Variants in IKBIP observed in about 807,000 individuals in gnomAD.
IKBIP encodes IKBKB interacting protein, also known as inhibitor of nuclear factor kappa-B kinase-interacting protein.
IKBIP carries 28 observed loss-of-function variants against 31.0 expected under a neutral mutation model. The observed-to-expected ratio is 0.90, with a 90% CI of 0.67 to 1.24. The LOEUF (loss-of-function observed/expected upper bound fraction) is 1.24, where lower values mean the gene tolerates loss of function less well. Among genes scored for constraint, IKBIP ranks in the 50% most tolerant of loss-of-function variants. IKBIP has a pLI of 0.00. For missense variants in IKBIP, 453 were observed against 441.9 expected (o/e 1.03, Z -0.23); for synonymous variants, 164 against 160.3 (o/e 1.02, Z -0.17).
At chr12:98,613,783 A>G (rs1374809207) in exon 3 of IKBIP, 19 of 1,610,962 alleles carry the variant, frequency 1.2e-5, no homozygotes, top group East Asian at 8.9e-5. Context: ...TCTTTAGATT[A>G]TACACCTTTG....
At chr12:98,633,510 CTTTTTTTTTTTTTTTTT>C (rs71432181) in intron 2 of IKBIP, among the ~76,000 whole-genome samples, 2 of 61,372 alleles carry the variant, frequency 3.3e-5, no homozygotes, top group Admixed American at 2.6e-4. Context: ...TTTTTTAATT[CTTTTTTTTTTTTTTTTT>C]TTTTTTTGAG....
At chr12:98,623,822 C>T (rs937902732), downstream of IKBIP, among the ~76,000 whole-genome samples, 1 of 150,922 alleles carries the variant, frequency 6.6e-6, no homozygotes, top group African/African-American at 2.5e-5. Flanking sequence ...ATATTTGATA[C>T]ACAGGAAAGT....
downstream of IKBIP, among the ~76,000 whole-genome samples, chr12:98,622,782 A>G (rs1173116418): frequency 6.6e-6 from 1 of 152,172 alleles, no homozygotes; most frequent in Non-Finnish European, 1.5e-5. Flanking sequence ...GGGTTTTTCT[A>G]TGAAGCCACA....
intron 2 of IKBIP, among the ~76,000 whole-genome samples, chr12:98,631,421 C>T (rs2097620105): frequency 6.6e-6 from 1 of 151,112 alleles, no homozygotes; most frequent in African/African-American, 2.4e-5. Flanking sequence ...GCTGGGACTA[C>T]AGACACACGC....
chr12:98,644,627 C>T lies in IKBIP; in HGVS notation c.75G>A (p.Glu25=). 2 of 1,610,800 alleles carry T rather than the reference C, an allele frequency of 1.2e-6. No homozygotes were observed. The highest frequency in any genetic ancestry group is 1.1e-5 in the South Asian group (1 of 91,020). The change falls in exon 1 of 3, where the codon GAG becomes GAA. Residue 25 remains glutamate, a synonymous_variant. Coordinates refer to ENST00000299157, the MANE Select transcript of IKBIP (RefSeq NM_153687.4). ...APAAEPGKRS[E]GGKTPVARSS... is the part of the protein sequence containing the mutation. ...TCCGGGCCACGGGGGTCTTCCCGCCCTCGCTCCGCTTCCCGGGCTCCGCAG... is the reference window on the plus strand; with the variant it reads ...TCCGGGCCACGGGGGTCTTCCCGCCTTCGCTCCGCTTCCCGGGCTCCGCAG...
At chr12:98,614,491 C>G (rs1406096400) in intron 2 of IKBIP, 2 of 447,950 alleles carry the variant, frequency 4.5e-6, no homozygotes, top group Non-Finnish European at 7.4e-6. Context: ...GTGGCACGAT[C>G]TTGGCTCACT....
exon 3 of IKBIP, chr12:98,614,087 C>G: frequency 6.2e-7 from 1 of 1,612,822 alleles, no homozygotes; most frequent in Non-Finnish European, 8.5e-7. Flanking sequence ...AGTTACTAAA[C>G]CTGAAATCCG....
intron 1 of IKBIP, among the ~76,000 whole-genome samples, chr12:98,636,129 T>C (rs2097625568): frequency 6.6e-6 from 1 of 152,224 alleles, no homozygotes; most frequent in Admixed American, 6.5e-5. Context: ...TATTGAGTCA[T>C]CAAAACGCAA....
chr12:98,639,874 G>C (rs2097628877), intron 1 of IKBIP, among the ~76,000 whole-genome samples: 1 of 152,148 alleles, frequency 6.6e-6, no homozygotes, highest in African/African-American at 2.4e-5. Context: ...TATAGCCTCA[G>C]TTTTAGCACA....
chr12:98,624,177 A>AGCC (rs2097612218), downstream of IKBIP: 1 of 612,064 alleles, frequency 1.6e-6, no homozygotes, highest in African/African-American at 2.0e-5. Flanking sequence ...AAAATATTTA[A>AGCC]ACGTAAAGGA....
chr12:98,623,606 T>C, downstream of IKBIP, among the ~76,000 whole-genome samples: 1 of 141,912 alleles, frequency 7.0e-6, no homozygotes, highest in Non-Finnish European at 1.5e-5. Flanking sequence ...GGTCTCACTA[T>C]GTTACCCAGG....
chr12:98,621,108 G>A (rs1004203173), downstream of IKBIP, among the ~76,000 whole-genome samples: 5 of 152,108 alleles, frequency 3.3e-5, no homozygotes, highest in African/African-American at 1.2e-4. Context: ...AATGAGCCGG[G>A]TGTAGTGACA....
In IKBIP at chr12:98,636,790, A is replaced by AT. The variant is rs796516047; in HGVS notation, c.180-2378dup. ...GGCTGTTTCATTTCTGGCTTTTAGG[A>AT]TTTTTTTTTTTTCCCCCAGAGTATT... On this transcript the variant is annotated intron_variant, in intron 1 of 2. Transcript: ENST00000299157. Among the ~76,000 whole-genome samples the AT allele has an allele frequency of 3.2e-3, 462 of 145,960 alleles. 5 individuals are homozygous for AT. The highest frequency in any genetic ancestry group is 4.1e-3 in the South Asian group (19 of 4,650).
In IKBIP at chr12:98,626,278, G is replaced by C. The variant is rs754477471; in HGVS notation, c.786C>G (p.Tyr262Ter). 5 of 1,614,044 alleles carry C rather than the reference G, an allele frequency of 3.1e-6. No individual in the cohort carries two copies. The highest frequency in any genetic ancestry group is 3.4e-6 in the Non-Finnish European group (4 of 1,180,018). Residue 262 changes from tyrosine to a stop codon, truncating the protein, a stop_gained, in exon 3 of 3, where the codon TAC becomes TAG. Transcript: ENST00000299157. LOFTEE classifies it high-confidence loss of function. ...TCTTGCATTCTTCAACTTTGGGTTC[G>C]TAGTCGGAAAGTTTATTAGTCAGAT... Reference protein sequence around the residue: ...DEDLTNKLSDYEPKVEECKTH... With the variant: ...DEDLTNKLSD
downstream of IKBIP, among the ~76,000 whole-genome samples, chr12:98,623,123 C>T (rs991811414): frequency 2.7e-5 from 4 of 150,626 alleles, no homozygotes; most frequent in Non-Finnish European, 5.9e-5. Flanking sequence ...GGATTACAGG[C>T]GCCTGCTACC....
intron 2 of IKBIP, among the ~76,000 whole-genome samples, chr12:98,632,157 A>G (rs1416541311): frequency 6.6e-6 from 1 of 151,914 alleles, no homozygotes; most frequent in Non-Finnish European, 1.5e-5. Flanking sequence ...TCCGGCCTTC[A>G]ATAGCTTTTA....
At chr12:98,637,849 G>A (rs1007420340) in intron 1 of IKBIP, among the ~76,000 whole-genome samples, 8 of 152,190 alleles carry the variant, frequency 5.3e-5, no homozygotes, top group Non-Finnish European at 1.2e-4. Context: ...CAGCCTAGAT[G>A]ACTGATTTTC....
At chr12:98,634,961 G>C (rs2097624479) in intron 1 of IKBIP, among the ~76,000 whole-genome samples, 2 of 150,888 alleles carry the variant, frequency 1.3e-5, no homozygotes, top group South Asian at 4.2e-4. Context: ...CACCTGCCTT[G>C]GCCTCCCAAA....
In IKBIP at chr12:98,626,151, A is replaced by G; in HGVS notation, c.913T>C (p.Phe305Leu). The change falls in exon 3 of 3, where the codon TTT (phenylalanine) becomes CTT (leucine). Residue 305 changes from phenylalanine (F) to leucine (L), a missense_variant. Phe to Leu is a conservative substitution (Grantham distance 22). Transcript: ENST00000299157. The stretch of plus-strand genomic sequence containing the variant: ...TTCAGCATATCATCTTCCATATTAA[A>G]CATCTGCATAGTCAAGTCTTCCATT... ...KKMEDLTMQM[F>L]NMEDDMLKAV... 1 of 1,611,558 alleles carries G rather than the reference A, an allele frequency of 6.2e-7. No individual in the cohort carries two copies. Among genetic ancestry groups the G allele is most frequent in the Non-Finnish European group, 8.5e-7 (1 of 1,178,404 alleles).
Sources: allele counts gnomAD v4.1 joint callset (sites outside exome capture counted in the v4.1 genomes callset), GRCh38; gene constraint gnomAD v4.1.1; transcripts MANE v1.5; gene names NCBI Gene and HGNC (gene_info 2026-07-23, HGNC 2026-07-21).